CELF2: variants seen among roughly 807,000 people sequenced by gnomAD.
The protein encoded by CELF2 is CUGBP Elav-like family member 2, also known as CUG triplet repeat RNA-binding protein 2.
In CELF2, 8 loss-of-function variants were observed where a neutral mutation model predicts 62.6. The observed-to-expected ratio is 0.13, with a 90% CI of 0.07 to 0.23. The LOEUF (loss-of-function observed/expected upper bound fraction) is 0.23. Ranked by LOEUF, CELF2 falls within the 10% of genes least tolerant of loss-of-function variation. The probability of loss-of-function intolerance (pLI) is 1.00; values close to 1 mark genes in which losing one functional copy is unlikely to be tolerated. For missense variants in CELF2, 333 were observed against 671.0 expected, an observed-to-expected ratio of 0.50 and a Z score of 5.56; for synonymous variants, 258 against 250.0, an observed-to-expected ratio of 1.03 and a Z score of -0.30.
At chr10:10,920,058 A>T (rs777460457) in intron 2 of CELF2, 1 of 1,120,386 alleles carries the variant, frequency 8.9e-7, no homozygotes, top group African/African-American at 1.6e-5. Context: ...AAAGAGAAGT[A>T]CTGTGCCATG....
chr10:10,886,374 T>C (rs1337797386), intron 1 of CELF2, among the ~76,000 whole-genome samples: 1 of 152,170 alleles, frequency 6.6e-6, no homozygotes, highest in Non-Finnish European at 1.5e-5. Context: ...AATTTGAGCC[T>C]CATTATTTTA....
the CELF2 span, among the ~76,000 whole-genome samples, chr10:10,583,999 C>G: frequency 1.3e-5 from 2 of 152,114 alleles, no homozygotes; most frequent in South Asian, 4.1e-4. Context: ...AAGATGCCTT[C>G]CAACCCCAAG....
At chr10:10,514,651 T>C in the CELF2 span, among the ~76,000 whole-genome samples, 1 of 151,984 alleles carries the variant, frequency 6.6e-6, no homozygotes, top group African/African-American at 2.4e-5. Flanking sequence ...AGAAGAACGA[T>C]TTGGTTATAA....
At chr10:11,298,702 C>CATATTT (rs1451878998) in intron 9 of CELF2, among the ~76,000 whole-genome samples, 1 of 152,118 alleles carries the variant, frequency 6.6e-6, no homozygotes, top group African/African-American at 2.4e-5. Context: ...TATATACACA[C>CATATTT]ATATTTATAT....
chr10:10,971,959 A>T (rs2050800509), intron 2 of CELF2, among the ~76,000 whole-genome samples: 1 of 152,164 alleles, frequency 6.6e-6, no homozygotes, highest in Non-Finnish European at 1.5e-5. Context: ...ATAGGTATAT[A>T]ATTAAGGTAT....
chr10:10,810,669 G>A (rs746587212), intron 1 of CELF2, among the ~76,000 whole-genome samples: 26 of 152,168 alleles, frequency 1.7e-4, no homozygotes, highest in Non-Finnish European at 2.6e-4. Flanking sequence ...GCAGAAGGAG[G>A]AAGGAGGTAA....
chr10:10,974,941 T>C (rs1210374895), intron 2 of CELF2, among the ~76,000 whole-genome samples: 1 of 152,228 alleles, frequency 6.6e-6, no homozygotes, highest in African/African-American at 2.4e-5. Flanking sequence ...CAGAACAGCA[T>C]TGTGATATTT....
intron 1 of CELF2, among the ~76,000 whole-genome samples, chr10:10,855,172 T>C (rs921886645): frequency 1.3e-5 from 2 of 152,198 alleles, no homozygotes; most frequent in Non-Finnish European, 2.9e-5. Context: ...GTTTTCTCAG[T>C]GCTCACACTG....
the CELF2 span, among the ~76,000 whole-genome samples, chr10:10,673,871 T>C: frequency 1.6e-4 from 25 of 152,304 alleles, no homozygotes; most frequent in African/African-American, 4.6e-4. Flanking sequence ...TTTAACTCCA[T>C]TGTGGCCTGA....
At chr10:11,104,393 C>T (rs1395390402) in intron 1 of CELF2, among the ~76,000 whole-genome samples, 3 of 152,148 alleles carry the variant, frequency 2.0e-5, no homozygotes, top group African/African-American at 7.2e-5. Context: ...TTCCTGGACC[C>T]TAAGAAATAC....
At chr10:10,913,894 G>A (rs1329152176) in intron 1 of CELF2, among the ~76,000 whole-genome samples, 2 of 142,186 alleles carry the variant, frequency 1.4e-5, no homozygotes, top group African/African-American at 2.6e-5. Flanking sequence ...AAGAAGGAAG[G>A]GAGGGAGGGA....
Position 11,112,373 on chromosome 10 carries a change from G to C in CELF2, c.75-53113G>C, listed in dbSNP as rs138754946. On this transcript the variant is annotated intron_variant, in intron 1 of 12. Coordinates refer to ENST00000633077, the MANE Select transcript of CELF2 (RefSeq NM_001326342.2). ...TGATGTGTTATGCAGTACGGGAAAGGGAGTCAGAAACTGCAGGAGTTAGAG... is the reference window on the plus strand; with the variant it reads ...TGATGTGTTATGCAGTACGGGAAAGCGAGTCAGAAACTGCAGGAGTTAGAG... Among the ~76,000 whole-genome samples the C allele has an allele frequency of 2.7e-3, 415 of 152,338 alleles. 3 individuals are homozygous for C. Among genetic ancestry groups the C allele is most frequent in the East Asian group, 0.024 (126 of 5,190 alleles).
rs1222315511 is a variant in CELF2, at chr10:11,220,549, C to A, written c.354+3042C>A. Among the ~76,000 whole-genome samples the A allele has an allele frequency of 6.6e-6, 1 of 152,180 alleles. No individual in the cohort carries two copies. Among genetic ancestry groups the A allele is most frequent in the African/African-American group, 2.4e-5 (1 of 41,442 alleles). ...CCCAGATTGAGGTGACAGATCAGGG[C>A]TCTTACGGAGCAGTGCAAAATCATT... On this transcript the variant is annotated intron_variant, in intron 3 of 12. Transcript: ENST00000633077. This position sits in a 1 kb window ranked among gnomAD's most constrained non-coding sequence, Gnocchi z 4.4.
the CELF2 span, among the ~76,000 whole-genome samples, chr10:10,563,795 G>A: frequency 6.6e-6 from 1 of 152,016 alleles, no homozygotes; most frequent in Non-Finnish European, 1.5e-5. Flanking sequence ...GAAACACAAA[G>A]AACAAAACGG....
the CELF2 span, among the ~76,000 whole-genome samples, chr10:10,552,574 C>A: frequency 6.6e-6 from 1 of 152,122 alleles, no homozygotes; most frequent in Non-Finnish European, 1.5e-5. Context: ...TGAAATGAAA[C>A]CATTCATTCT....
At chr10:10,719,161 C>A in the CELF2 span, among the ~76,000 whole-genome samples, 1 of 151,760 alleles carries the variant, frequency 6.6e-6, no homozygotes, top group Non-Finnish European at 1.5e-5. Flanking sequence ...GATTTCACCA[C>A]GTTGGCTAGG....
At chr10:11,225,737 C>T (rs1589376621) in intron 3 of CELF2, among the ~76,000 whole-genome samples, 1 of 152,096 alleles carries the variant, frequency 6.6e-6, no homozygotes, top group Non-Finnish European at 1.5e-5. Context: ...GGGTATTTAA[C>T]CTAATGAGGT....
the CELF2 span, among the ~76,000 whole-genome samples, chr10:10,777,643 G>A: frequency 6.6e-6 from 1 of 152,122 alleles, no homozygotes; most frequent in African/African-American, 2.4e-5. Context: ...CTTCGTTCCA[G>A]TCCATGTTTC....
the CELF2 span, among the ~76,000 whole-genome samples, chr10:10,737,779 C>A: frequency 1.3e-5 from 2 of 152,028 alleles, no homozygotes; most frequent in Non-Finnish European, 1.5e-5. Flanking sequence ...ATTTTGACAA[C>A]CTCTGAGTCA....
Sources: gnomAD v4.1 joint callset for allele counts (sites outside exome capture counted in the v4.1 genomes callset) on GRCh38, gnomAD v4.1.1 for gene constraint, Gnocchi (gnomAD v3.1) non-coding constraint, MANE v1.5 for transcripts, NCBI Gene and HGNC (gene_info 2026-07-23, HGNC 2026-07-21) for gene names.